SKI: variants seen among roughly 807,000 people sequenced by gnomAD.
SKI encodes ski oncogene.
A neutral mutation model predicts 59.3 loss-of-function variants in SKI; 23 were observed. That is an observed-to-expected ratio of 0.39 (90% CI 0.28 to 0.55). The LOEUF is 0.55. SKI is among the 20% of genes least tolerant of loss of function. The pLI is 0.67. For synonymous variants in SKI, 673 were observed against 488.6 expected, an observed-to-expected ratio of 1.38 and a Z score of -4.98; for missense variants, 1,017 against 1,038.9, an observed-to-expected ratio of 0.98 and a Z score of 0.29.
chr1:2,290,749 G>T (rs1640144143), intron 1 of SKI, among the ~76,000 whole-genome samples: 1 of 152,190 alleles, frequency 6.6e-6, no homozygotes, highest in Non-Finnish European at 1.5e-5. Flanking sequence ...CTTGGGTGAG[G>T]GTTGGGCTTG....
chr1:2,252,405 G>C (rs1015824187), intron 1 of SKI, among the ~76,000 whole-genome samples: 1 of 152,154 alleles, frequency 6.6e-6, no homozygotes, highest in Non-Finnish European at 1.5e-5. Flanking sequence ...GCTGCACTCA[G>C]CCTCCCCAGA....
chr1:2,272,267 A>C (rs930454602), intron 1 of SKI, among the ~76,000 whole-genome samples: 5 of 152,220 alleles, frequency 3.3e-5, no homozygotes, highest in African/African-American at 4.8e-5. Flanking sequence ...CCAAGCTTAA[A>C]TGTCTTAGTA....
In SKI at chr1:2,229,934, C is replaced by G. The variant is rs1000871053; in HGVS notation, c.969+199C>G. On this transcript the variant is annotated intron_variant, in intron 1 of 6. Transcript: ENST00000378536. This position sits in a 1 kb window ranked among gnomAD's most constrained non-coding sequence, Gnocchi z 6.3. The stretch of plus-strand genomic sequence containing the variant: ...AGTTTGGTAGGAAGGCCCTCCTGCC[C>G]GTTCCCCAGGACGAGCCTGGAGTGC... Among the ~76,000 whole-genome samples, 1 of 152,150 alleles carries G rather than the reference C, an allele frequency of 6.6e-6. No homozygotes were observed. Among genetic ancestry groups the G allele is most frequent in the Non-Finnish European group, 1.5e-5 (1 of 68,012 alleles).
At chr1:2,253,686 A>G (rs571035288) in intron 1 of SKI, among the ~76,000 whole-genome samples, 1 of 152,330 alleles carries the variant, frequency 6.6e-6, no homozygotes, top group Non-Finnish European at 1.5e-5. Flanking sequence ...CGGTGCGAGC[A>G]GATGGAGGAT....
intron 1 of SKI, among the ~76,000 whole-genome samples, chr1:2,280,148 T>A (rs919950499): frequency 2.6e-5 from 4 of 151,268 alleles, no homozygotes; most frequent in African/African-American, 9.7e-5. Flanking sequence ...GGCGGGTGGC[T>A]AATGAGGTCA....
intron 1 of SKI, among the ~76,000 whole-genome samples, chr1:2,302,204 G>A (rs887915510): frequency 6.6e-6 from 1 of 152,018 alleles, no homozygotes; most frequent in Non-Finnish European, 1.5e-5. Flanking sequence ...AGGCACCTTC[G>A]CTAAGCTTCC....
chr1:2,304,148 G>T (rs369928239), intron 4 of SKI, 46 bp downstream of exon 4: 127 of 1,606,882 alleles, frequency 7.9e-5, no homozygotes, highest in East Asian at 1.1e-4. Context: ...GGGCTGTGGG[G>T]GTGGCACTGG....
chr1:2,270,405 G>A lies in SKI; in HGVS notation c.970-32573G>A, dbSNP rs148779354. Among the ~76,000 whole-genome samples the A allele has an allele frequency of 2.2e-3, 330 of 152,360 alleles. 1 individual carries two copies. Among genetic ancestry groups the A allele is most frequent in the African/African-American group, 7.2e-3 (300 of 41,596 alleles). ...AGCCCTGGTGACCTGAAGCCCCTGC[G>A]TTGGTCCCTCACAGGCCAGGGGGTG... is the stretch of plus-strand genomic sequence containing the variant. On this transcript the variant is annotated intron_variant, in intron 1 of 6. Transcript: ENST00000378536. This position sits in a 1 kb window ranked among gnomAD's most constrained non-coding sequence, Gnocchi z 4.1.
intron 1 of SKI, among the ~76,000 whole-genome samples, chr1:2,261,194 A>G (rs979988698): frequency 9.9e-5 from 15 of 152,214 alleles, no homozygotes; most frequent in Admixed American, 4.6e-4. Flanking sequence ...TAGCTTTGAA[A>G]TAATTGTTGA....
In SKI at chr1:2,302,968, T is replaced by C. The variant is rs750601690; in HGVS notation, c.970-10T>C. On this transcript the variant is annotated splice_polypyrimidine_tract_variant and intron_variant, in intron 1 of 6. Transcript: ENST00000378536. ...CCACAGGTGCCAACAAAACCTTTCA[T>C]TGATCGCAGGTCTCCTCTGAGCCTC... 7.4e-6 allele frequency: 12 copies of C among 1,613,260 alleles called. No homozygotes were observed. The highest frequency in any genetic ancestry group is 6.7e-5 in the Admixed American group (4 of 60,006).
chr1:2,242,418 G>C (rs771165926), intron 1 of SKI, among the ~76,000 whole-genome samples: 33 of 152,240 alleles, frequency 2.2e-4, no homozygotes, highest in Admixed American at 4.6e-4. Context: ...CGCTGGAAAC[G>C]TGGGAAGCCG....
intron 1 of SKI, among the ~76,000 whole-genome samples, chr1:2,234,323 G>A (rs990692116): frequency 1.3e-5 from 2 of 152,250 alleles, no homozygotes; most frequent in East Asian, 1.9e-4. Flanking sequence ...TCTGTCATCC[G>A]TCTGTCTGGG....
chr1:2,230,479 C>A (rs1031383070), intron 1 of SKI, among the ~76,000 whole-genome samples: 2 of 152,148 alleles, frequency 1.3e-5, no homozygotes, highest in Non-Finnish European at 1.5e-5. Flanking sequence ...GGCTCCTGGG[C>A]CCGCGTGCTG....
intron 1 of SKI, among the ~76,000 whole-genome samples, chr1:2,283,871 G>C (rs995214138): frequency 2.6e-5 from 4 of 152,230 alleles, no homozygotes; most frequent in African/African-American, 9.6e-5. Context: ...TGGAGGAGGC[G>C]GGAGGCCGAG....
intron 1 of SKI, among the ~76,000 whole-genome samples, chr1:2,256,027 T>C (rs1329740698): frequency 6.6e-6 from 1 of 151,818 alleles, no homozygotes; most frequent in Non-Finnish European, 1.5e-5. Context: ...CCGGACTGCA[T>C]TTCCTGTCTG....
At chr1:2,288,070 C>T (rs1166220519) in intron 1 of SKI, among the ~76,000 whole-genome samples, 2 of 152,054 alleles carry the variant, frequency 1.3e-5, no homozygotes, top group Non-Finnish European at 2.9e-5. Context: ...CTCACCCCAA[C>T]CTCCACCTCC....
At chr1:2,233,986 AAG>A (rs1638698900) in intron 1 of SKI, among the ~76,000 whole-genome samples, 1 of 152,030 alleles carries the variant, frequency 6.6e-6, no homozygotes, top group Non-Finnish European at 1.5e-5. Context: ...CCTTTGGAAA[AAG>A]TGTTTGCTGC....
At chr1:2,280,648 AG>A (rs1557836835) in intron 1 of SKI, among the ~76,000 whole-genome samples, 19 of 117,010 alleles carry the variant, frequency 1.6e-4, no homozygotes, top group East Asian at 2.6e-4. Flanking sequence ...CTTCAGAGAG[AG>A]GACACCCGAG....
At chr1:2,254,114 CATGAGGG>C (rs1428685490) in intron 1 of SKI, among the ~76,000 whole-genome samples, 1 of 152,220 alleles carries the variant, frequency 6.6e-6, no homozygotes, top group African/African-American at 2.4e-5. Flanking sequence ...CTCCAGTGAC[CATGAGGG>C]GCTGGGGTTG....
Sources: allele counts gnomAD v4.1 joint callset (sites outside exome capture counted in the v4.1 genomes callset), GRCh38; gene constraint gnomAD v4.1.1; non-coding constraint Gnocchi (gnomAD v3.1); transcripts MANE v1.5; gene names NCBI Gene and HGNC (gene_info 2026-07-23, HGNC 2026-07-21).